PRKCQ: variants seen among roughly 807,000 people sequenced by gnomAD.
PRKCQ encodes the protein protein kinase C theta type.
A neutral mutation model predicts 91.2 loss-of-function variants in PRKCQ; 41 were observed. The observed-to-expected ratio is 0.45, with a 90% confidence interval of 0.35 to 0.58. The LOEUF is 0.58. PRKCQ is among the 20% of genes least tolerant of loss of function. The probability of loss-of-function intolerance (pLI) is 0.00; values close to 1 mark genes in which losing one functional copy is unlikely to be tolerated. For missense variants in PRKCQ, 673 were observed against 896.5 expected, an observed-to-expected ratio of 0.75 and a Z score of 3.18; for synonymous variants, 307 against 316.9, an observed-to-expected ratio of 0.97 and a Z score of 0.33.
At chr10:6,398,249 G>C in the PRKCQ span, among the ~76,000 whole-genome samples, 2 of 152,116 alleles carry the variant, frequency 1.3e-5, no homozygotes, top group African/African-American at 4.8e-5. Flanking sequence ...TTCATGTCTA[G>C]TCTTACGCCA....
At chr10:6,428,526 T>C (rs1398523194) in intron 17 of PRKCQ, among the ~76,000 whole-genome samples, 164 bp from the exon 18 acceptor site, 2 of 152,176 alleles carry the variant, frequency 1.3e-5, no homozygotes, top group African/African-American at 2.4e-5. Context: ...CCAGCTCTCA[T>C]TGAACATGGC....
intron 1 of PRKCQ, among the ~76,000 whole-genome samples, chr10:6,526,847 G>A (rs1219991679): frequency 6.6e-6 from 1 of 152,200 alleles, no homozygotes; most frequent in East Asian, 1.9e-4. Flanking sequence ...TGGTCCCTGT[G>A]TTGAGAGGAC....
chr10:6,514,988 C>T (rs1355285981), intron 2 of PRKCQ, 30 bp downstream of exon 2: 5 of 1,611,880 alleles, frequency 3.1e-6, no homozygotes, highest in South Asian at 2.2e-5. Context: ...TCCTCCTCCT[C>T]CCCCGCTTTG....
intron 12 of PRKCQ, among the ~76,000 whole-genome samples, chr10:6,467,724 C>T (rs1377991209): frequency 6.6e-6 from 1 of 152,144 alleles, no homozygotes; most frequent in Non-Finnish European, 1.5e-5. Context: ...GTAAATCCCA[C>T]CATCACAGGG....
intron 3 of PRKCQ, 41 bp downstream of exon 3, chr10:6,510,954 C>T: frequency 6.2e-7 from 1 of 1,610,432 alleles, no homozygotes; most frequent in Non-Finnish European, 8.5e-7. Context: ...CGGCTACCAT[C>T]ATGCTTATCC....
At chr10:6,432,167 G>A (rs1345436145) in intron 16 of PRKCQ, among the ~76,000 whole-genome samples, 3 of 152,228 alleles carry the variant, frequency 2.0e-5, no homozygotes, top group African/African-American at 4.8e-5. Context: ...ATGGTGGAAC[G>A]CGTGATTTTC....
At chr10:6,417,253 G>A in the PRKCQ span, among the ~76,000 whole-genome samples, 2 of 152,164 alleles carry the variant, frequency 1.3e-5, no homozygotes, top group Non-Finnish European at 2.9e-5. Context: ...GTCATCAGTT[G>A]TTATTTTGAA....
At chr10:6,486,926 T>G (rs1231412177) in intron 8 of PRKCQ, among the ~76,000 whole-genome samples, 6 of 151,976 alleles carry the variant, frequency 3.9e-5, no homozygotes, top group Non-Finnish European at 8.8e-5. Context: ...AGGCTAGCAA[T>G]GCCAGGAGAG....
chr10:6,431,254 T>G (rs602419), intron 16 of PRKCQ, among the ~76,000 whole-genome samples: 15,541 of 152,234 alleles, frequency 0.1, 2,137 homozygotes, highest in African/African-American at 0.32. Flanking sequence ...GTAAGCCAAG[T>G]GCCCTCCTAA....
the PRKCQ span, among the ~76,000 whole-genome samples, chr10:6,407,711 T>A: frequency 6.6e-6 from 1 of 152,132 alleles, no homozygotes; most frequent in Admixed American, 6.5e-5. The surrounding 1 kb of genome is among the most constrained non-coding windows in gnomAD (Gnocchi z 4.0). Context: ...GTGTGTGGTG[T>A]GTGTGTTCAT....
At chr10:6,428,488 T>C (rs1833240882) in intron 17 of PRKCQ, 126 bp from the exon 18 acceptor site, 2 of 973,768 alleles carry the variant, frequency 2.1e-6, no homozygotes, top group Non-Finnish European at 3.1e-6. Context: ...AGACACTAAA[T>C]GGAGGCAATG....
downstream of PRKCQ, among the ~76,000 whole-genome samples, chr10:6,423,991 G>A (rs1833063046): frequency 6.6e-6 from 1 of 151,958 alleles, no homozygotes. Context: ...CTGCCAGGGT[G>A]GTAGGCTCGG....
chr10:6,462,335 C>T lies in PRKCQ; in HGVS notation c.1476G>A (p.Leu492=), dbSNP rs778208306. Residue 492 remains leucine (L), a synonymous_variant, in exon 14 of 18, where the codon CTG becomes CTA. Transcript: ENST00000263125. ...CTATTCCTTTGGAATGAAGGAACTG[C>T]AGACCAAGAATGATTTCAGCAGCAT... The part of the protein sequence containing the change: ...TFYAAEIILG[L]QFLHSKGIVY... 1.2e-5 allele frequency: 20 copies of T among 1,613,778 alleles called. No homozygotes were observed. Among genetic ancestry groups the T allele is most frequent in the Non-Finnish European group, 1.5e-5 (18 of 1,179,886 alleles).
intron 16 of PRKCQ, among the ~76,000 whole-genome samples, chr10:6,431,451 T>G (rs1486323812): frequency 6.6e-6 from 1 of 152,006 alleles, no homozygotes; most frequent in Non-Finnish European, 1.5e-5. Flanking sequence ...TGCATACACA[T>G]GCACATGGAC....
chr10:6,546,593 CTT>C (rs1287704751), intron 1 of PRKCQ, among the ~76,000 whole-genome samples: 3 of 152,290 alleles, frequency 2.0e-5, no homozygotes, highest in African/African-American at 4.8e-5. Context: ...TATCCTGAGA[CTT>C]TGCTGAAGTT....
At chr10:6,419,996 C>T in the PRKCQ span, among the ~76,000 whole-genome samples, 6 of 150,426 alleles carry the variant, frequency 4.0e-5, no homozygotes, top group Non-Finnish European at 8.9e-5. Context: ...GCCGAAATCT[C>T]CTTTTTTTTG....
At chr10:6,441,079 T>C (rs893947200) in intron 16 of PRKCQ, among the ~76,000 whole-genome samples, 3 of 152,068 alleles carry the variant, frequency 2.0e-5, no homozygotes, top group Non-Finnish European at 4.4e-5. Context: ...AGAGTGACAA[T>C]AGGTTGTCTT....
chr10:6,506,994 A>G lies in PRKCQ; in HGVS notation c.379+442T>C, dbSNP rs11259289. Among the ~76,000 whole-genome samples, 1,001 of 152,296 alleles carry G rather than the reference A, an allele frequency of 6.6e-3. 49 individuals are homozygous for G. The East Asian group carries it at 0.13, about 20-fold the overall frequency. The stretch of plus-strand genomic sequence containing the variant: ...AAAGGACTTGAGGTGACTAACTTCA[A>G]GTGTTAGCATTTTGTTACTAATTTT... On this transcript the variant is annotated intron_variant, in intron 4 of 17. Transcript: ENST00000263125.
At chr10:6,443,932 C>T (rs630196) in intron 15 of PRKCQ, among the ~76,000 whole-genome samples, 4 of 152,086 alleles carry the variant, frequency 2.6e-5, no homozygotes, top group Non-Finnish European at 5.9e-5. Flanking sequence ...ATTCTAGAGA[C>T]AGGAAGTGGA....
Sources: allele counts gnomAD v4.1 joint callset (sites outside exome capture counted in the v4.1 genomes callset), GRCh38; gene constraint gnomAD v4.1.1; non-coding constraint Gnocchi (gnomAD v3.1); transcripts MANE v1.5; gene names NCBI Gene and HGNC (gene_info 2026-07-23, HGNC 2026-07-21).